DLGAP1: variants seen among roughly 807,000 people sequenced by gnomAD.
DLGAP1 encodes DLG associated protein 1.
In DLGAP1, 11 loss-of-function variants were observed where a neutral mutation model predicts 90.8. That is an observed-to-expected ratio of 0.12 (90% CI 0.08 to 0.20). The LOEUF (loss-of-function observed/expected upper bound fraction) is 0.20, where lower values mean the gene tolerates loss of function less well. DLGAP1 is among the 10% of genes least tolerant of loss of function. The pLI is 1.00. For missense variants in DLGAP1, 1,050 were observed against 1,333.8 expected (o/e 0.79, Z 3.31); for synonymous variants, 558 against 540.7 (o/e 1.03, Z -0.44).
chr18:4,405,168 A>G (rs2082636928), intron 1 of DLGAP1, among the ~76,000 whole-genome samples: 1 of 152,234 alleles, frequency 6.6e-6, no homozygotes, highest in African/African-American at 2.4e-5. Flanking sequence ...ATTATAAACT[A>G]TAACTCAAAA....
In DLGAP1 at chr18:3,582,187, C is replaced by T. The variant is rs1474826914; in HGVS notation, c.1653G>A (p.Thr551=). The change falls in exon 8 of 13, where the codon ACG becomes ACA. Residue 551 remains threonine (T), a synonymous_variant. Transcript: ENST00000315677. ...GGGCTGTGATAGAAATGAAAGGTTTCGTGGTAGTTCTGGGTGGGACTGGAG... is the reference window on the plus strand; with the variant it reads ...GGGCTGTGATAGAAATGAAAGGTTTTGTGGTAGTTCTGGGTGGGACTGGAG... The part of the protein sequence containing the change: ...TPPPVPPRTT[T]KPFISITAQS... 3.1e-6 allele frequency: 5 copies of T among 1,613,854 alleles called. No individual in the cohort carries two copies. The highest frequency in any genetic ancestry group is 1.7e-5 in the Admixed American group (1 of 59,978).
chr18:3,977,434 G>GGGTTTTTTTTTTTTT (rs767760816), intron 3 of DLGAP1, among the ~76,000 whole-genome samples: 7 of 95,332 alleles, frequency 7.3e-5, no homozygotes, highest in African/African-American at 2.9e-4. Context: ...TTTATTCTGT[G>GGGTTTTTTTTTTTTT]TTTTTTTTTT....
At chr18:4,292,880 A>G (rs1598831729) in intron 1 of DLGAP1, among the ~76,000 whole-genome samples, 1 of 152,340 alleles carries the variant, frequency 6.6e-6, no homozygotes, top group East Asian at 1.9e-4. Context: ...GATACCTAGC[A>G]GATCCCTGTC....
intron 1 of DLGAP1, among the ~76,000 whole-genome samples, chr18:4,200,759 T>C (rs2077592569): frequency 6.6e-6 from 1 of 152,136 alleles, no homozygotes; most frequent in Non-Finnish European, 1.5e-5. Context: ...TATAATTGAC[T>C]AAATTTAGTA....
At chr18:3,686,729 G>GAGT (rs2060716782) in intron 7 of DLGAP1, among the ~76,000 whole-genome samples, 1 of 152,186 alleles carries the variant, frequency 6.6e-6, no homozygotes, top group African/African-American at 2.4e-5. Flanking sequence ...CTCCAAGAGT[G>GAGT]AGTAGGAAGG....
chr18:4,304,641 T>C (rs2080204179), intron 1 of DLGAP1, among the ~76,000 whole-genome samples: 1 of 152,166 alleles, frequency 6.6e-6, no homozygotes, highest in African/African-American at 2.4e-5. Flanking sequence ...AACTAAAATA[T>C]AGTCATTGGC....
chr18:3,751,924 C>T (rs910562682), intron 5 of DLGAP1, among the ~76,000 whole-genome samples: 19 of 148,934 alleles, frequency 1.3e-4, no homozygotes, highest in Non-Finnish European at 1.5e-5. Context: ...TACTCTGTCA[C>T]CCAGGCTGGA....
intron 5 of DLGAP1, among the ~76,000 whole-genome samples, chr18:3,754,912 T>TA (rs1250115986): frequency 6.6e-6 from 1 of 151,756 alleles, no homozygotes; most frequent in Non-Finnish European, 1.5e-5. Context: ...ATATGTATTA[T>TA]AAAAAATTAA....
At chr18:4,178,720 G>T (rs989656974) in intron 1 of DLGAP1, among the ~76,000 whole-genome samples, 8 of 151,994 alleles carry the variant, frequency 5.3e-5, no homozygotes, top group African/African-American at 1.9e-4. Flanking sequence ...AACATTCCAA[G>T]AGCTTTTTCC....
At chr18:3,837,433 C>G (rs976510309) in intron 4 of DLGAP1, among the ~76,000 whole-genome samples, 3 of 152,188 alleles carry the variant, frequency 2.0e-5, no homozygotes, top group Non-Finnish European at 4.4e-5. Flanking sequence ...AAATCCTACA[C>G]TTTATATAGA....
intron 1 of DLGAP1, among the ~76,000 whole-genome samples, chr18:4,435,806 C>G (rs1057353392): frequency 6.6e-6 from 1 of 152,178 alleles, no homozygotes; most frequent in Non-Finnish European, 1.5e-5. Flanking sequence ...AAAGTTTAAA[C>G]TGCAAAACAT....
At chr18:4,057,669 GTC>G (rs1286043070) in intron 2 of DLGAP1, among the ~76,000 whole-genome samples, 1 of 152,006 alleles carries the variant, frequency 6.6e-6, no homozygotes, top group Non-Finnish European at 1.5e-5. Context: ...ATTTGTCTTG[GTC>G]TCTCTCTTTC....
At chr18:4,429,683 G>A (rs2083239324) in intron 1 of DLGAP1, among the ~76,000 whole-genome samples, 1 of 152,074 alleles carries the variant, frequency 6.6e-6, no homozygotes, top group African/African-American at 2.4e-5. Context: ...ATCTTGTAAA[G>A]CTGGCACTTT....
At chr18:4,006,004 C>T (rs891331797) in intron 2 of DLGAP1, among the ~76,000 whole-genome samples, 4 of 152,114 alleles carry the variant, frequency 2.6e-5, no homozygotes, top group Non-Finnish European at 5.9e-5. Context: ...GTTCTTTGTA[C>T]TTCACTTTTA....
At chr18:3,762,279 T>C (rs1476527755) in intron 5 of DLGAP1, among the ~76,000 whole-genome samples, 1 of 152,192 alleles carries the variant, frequency 6.6e-6, no homozygotes, top group Non-Finnish European at 1.5e-5. Context: ...GACAACAGTA[T>C]CAGTTTATGA....
At chr18:4,181,986 C>T (rs1334824080) in intron 1 of DLGAP1, among the ~76,000 whole-genome samples, 5 of 152,080 alleles carry the variant, frequency 3.3e-5, no homozygotes, top group Non-Finnish European at 5.9e-5. Flanking sequence ...TTTGCAGATC[C>T]CCCTGCTCCA....
chr18:3,520,294 G>A (rs1851722214), intron 10 of DLGAP1, among the ~76,000 whole-genome samples: 1 of 152,112 alleles, frequency 6.6e-6, no homozygotes, highest in Non-Finnish European at 1.5e-5. Flanking sequence ...CCTTCTGCCA[G>A]TGCCTTACCT....
chr18:4,002,420 G>C (rs1390542617), intron 3 of DLGAP1, among the ~76,000 whole-genome samples: 1 of 152,102 alleles, frequency 6.6e-6, no homozygotes, highest in Admixed American at 6.5e-5. Flanking sequence ...GAGACAGCAA[G>C]ACCAGACCCA....
At chr18:4,266,921 A>G (rs2079143638) in intron 1 of DLGAP1, among the ~76,000 whole-genome samples, 1 of 151,770 alleles carries the variant, frequency 6.6e-6, no homozygotes, top group South Asian at 2.1e-4. Flanking sequence ...CTTTATATAA[A>G]TTTGGCATTT....
Sources: gnomAD v4.1 joint callset for allele counts (sites outside exome capture counted in the v4.1 genomes callset) on GRCh38, gnomAD v4.1.1 for gene constraint, MANE v1.5 for transcripts, NCBI Gene and HGNC (gene_info 2026-07-23, HGNC 2026-07-21) for gene names.